Variants in ALDH5A1 observed in about 807,000 individuals in gnomAD.
The protein encoded by ALDH5A1 is succinate-semialdehyde dehydrogenase, mitochondrial.
ALDH5A1 carries 33 observed loss-of-function variants against 54.7 expected under a neutral mutation model. The observed-to-expected ratio is 0.60, with a 90% CI of 0.46 to 0.81. ALDH5A1 has a LOEUF of 0.81. ALDH5A1 is among the 30% of genes least tolerant of loss of function. The pLI is 0.00. For missense variants in ALDH5A1, 657 were observed against 711.0 expected (o/e 0.92, Z 0.86); for synonymous variants, 294 against 292.7 (o/e 1.00, Z -0.05).
rs764639744 is a variant in ALDH5A1, at chr6:24,534,584, A to G, written c.*872A>G. 1.3e-5 allele frequency: 2 copies of G among 152,246 alleles called. No individual in the cohort carries two copies. Among genetic ancestry groups the G allele is most frequent in the African/African-American group, 4.8e-5 (2 of 41,450 alleles). The allele number at this position is 152,246 out of a possible 1,614,324, so 9.4% of individuals were successfully genotyped here. A position where few individuals can be genotyped will look rare whatever the true frequency, so the allele number is the denominator to read the frequency against. On this transcript the variant is annotated 3_prime_UTR_variant, in exon 10 of 10. Transcript: ENST00000357578. ...TGGAGATTCCATACAGGCCTTACTT[A>G]GCTCCTTGCGATACTGTGAGCCAGA...
intron 4 of ALDH5A1, among the ~76,000 whole-genome samples, chr6:24,510,409 C>A (rs1284343867): frequency 6.6e-6 from 1 of 152,030 alleles, no homozygotes; most frequent in Non-Finnish European, 1.5e-5. Context: ...GTATTGAAAT[C>A]CCCCATTATT....
At chr6:24,508,817 A>G (rs1212075772) in intron 4 of ALDH5A1, among the ~76,000 whole-genome samples, 2 of 152,322 alleles carry the variant, frequency 1.3e-5, no homozygotes, top group East Asian at 3.9e-4. Context: ...CCAACCTTGC[A>G]GGAGTAAGGT....
intron 4 of ALDH5A1, among the ~76,000 whole-genome samples, chr6:24,505,933 ACTC>A (rs35751389): frequency 0.26 from 39,470 of 151,166 alleles, 5,343 homozygotes; most frequent in Non-Finnish European, 0.28. Context: ...GTGTCACTGA[ACTC>A]CAGCCTGGGC....
chr6:24,533,692 G>T lies in ALDH5A1; in HGVS notation c.1588G>T (p.Val530Leu). 1.9e-6 allele frequency: 3 copies of T among 1,614,110 alleles called. No homozygotes were observed. The highest frequency in any genetic ancestry group is 2.5e-6 in the Non-Finnish European group (3 of 1,180,032). ...TGATGAGTATCTGGAACTCAAGTAT[G>T]TGTGTTACGGGGGCTTGTAGGATTC... is the stretch of plus-strand genomic sequence containing the variant. ...GIDEYLELKYVCYGGL is the reference protein window; with the variant it reads ...GIDEYLELKYLCYGGL The change falls in exon 10 of 10, where the codon GTG becomes TTG. Residue 530 changes from valine (V) to leucine (L), a missense_variant. Val to Leu is a conservative substitution (Grantham distance 32, BLOSUM62 1). Coordinates refer to ENST00000357578, the MANE Select transcript of ALDH5A1 (RefSeq NM_001080.3).
At chr6:24,525,963 A>T (rs1257212034) in intron 7 of ALDH5A1, among the ~76,000 whole-genome samples, 1 of 151,932 alleles carries the variant, frequency 6.6e-6, no homozygotes, top group Non-Finnish European at 1.5e-5. Context: ...TTTTCTGAAG[A>T]AATATAGTAG....
At chr6:24,495,392 C>T in intron 1 of ALDH5A1, 42 bp downstream of exon 1, 1 of 1,522,980 alleles carries the variant, frequency 6.6e-7, no homozygotes, top group Non-Finnish European at 8.8e-7. Flanking sequence ...TGGCCGGGGA[C>T]ACGGCGGGGA....
In ALDH5A1 at chr6:24,531,967, G is replaced by C. The variant is rs36112176; in HGVS notation, c.1344-152G>C. Reference sequence around the variant, plus strand: ...AATCGCTGAGTTATATCGGGGAATGGTGCTGCTTTCTTCTGCAATCTGCTC... The same window carrying C: ...AATCGCTGAGTTATATCGGGGAATGCTGCTGCTTTCTTCTGCAATCTGCTC... On this transcript the variant is annotated intron_variant, in intron 8 of 9. Transcript: ENST00000357578. 38,501 of 726,388 alleles carry C rather than the reference G, an allele frequency of 0.053. 1,335 individuals carry two copies. The highest frequency in any genetic ancestry group is 0.067 in the Non-Finnish European group (26,861 of 402,228). 45.0% of individuals were successfully genotyped at this position (726,388 alleles called of 1,614,324 possible).
At chr6:24,510,686 C>T (rs1759442963) in intron 4 of ALDH5A1, among the ~76,000 whole-genome samples, 1 of 152,082 alleles carries the variant, frequency 6.6e-6, no homozygotes, top group Non-Finnish European at 1.5e-5. Context: ...CCTTAAGTTT[C>T]TGTGAGTCCT....
chr6:24,532,012 T>A (rs1759945936), intron 8 of ALDH5A1, 107 bp from the exon 9 acceptor site: 2 of 1,052,208 alleles, frequency 1.9e-6, no homozygotes, highest in Admixed American at 3.8e-5. Flanking sequence ...TTTGCAAAAC[T>A]CTGATTTACT....
chr6:24,536,897 C>A lies in ALDH5A1; in HGVS notation c.*3185C>A, dbSNP rs1323716629. On this transcript the variant is annotated 3_prime_UTR_variant, in exon 10 of 10. Transcript: ENST00000357578. ...AGCAAATCTGTTTTACTGTTAACTTCAATTATGAACTTGAAATTGTGCCAC... is the reference window on the plus strand; with the variant it reads ...AGCAAATCTGTTTTACTGTTAACTTAAATTATGAACTTGAAATTGTGCCAC... The A allele has an allele frequency of 6.6e-6, 1 of 152,628 alleles. No individual in the cohort carries two copies. The highest frequency in any genetic ancestry group is 2.1e-4 in the South Asian group (1 of 4,828). 9.5% of individuals were successfully genotyped at this position (152,628 alleles called of 1,614,324 possible).
chr6:24,520,699 T>C (rs1040160624), intron 6 of ALDH5A1, among the ~76,000 whole-genome samples, 155 bp downstream of exon 6: 2 of 152,148 alleles, frequency 1.3e-5, no homozygotes, highest in African/African-American at 4.8e-5. Flanking sequence ...TTATATCCCA[T>C]AAGGAAACTT....
At chr6:24,508,103 G>T (rs952234289) in intron 4 of ALDH5A1, among the ~76,000 whole-genome samples, 1 of 151,958 alleles carries the variant, frequency 6.6e-6, no homozygotes, top group Non-Finnish European at 1.5e-5. Context: ...GGTGGCTCAC[G>T]CCTGTAATCC....
At position 24,518,231 on chromosome 6, in the gene ALDH5A1, G is replaced by A. The variant is rs1174378705; in HGVS notation, c.871-2170G>A. On this transcript the variant is annotated intron_variant, in intron 5 of 9. Transcript: ENST00000357578. The surrounding 1 kb of genome is among the most constrained non-coding windows in gnomAD (Gnocchi z 4.2). ...ACTCAAAAAAAGAAAAAGAAAGAAAGGTAGGCTGGGCCAATCACATGCTGT... is the reference window on the plus strand; with the variant it reads ...ACTCAAAAAAAGAAAAAGAAAGAAAAGTAGGCTGGGCCAATCACATGCTGT... Among the ~76,000 whole-genome samples, 2 of 152,208 alleles carry A rather than the reference G, an allele frequency of 1.3e-5. No individual in the cohort carries two copies. The highest frequency in any genetic ancestry group is 2.4e-5 in the African/African-American group (1 of 41,458).
At chr6:24,521,857 A>ATTTTT (rs71542679) in intron 6 of ALDH5A1, among the ~76,000 whole-genome samples, 90 of 98,226 alleles carry the variant, frequency 9.2e-4, no homozygotes, top group African/African-American at 2.3e-3. Context: ...TGTCTCTACA[A>ATTTTT]TTTTTTTTTT....
Position 24,518,089 on chromosome 6 carries a change from G to A in ALDH5A1, c.871-2312G>A, listed in dbSNP as rs2127386746. 6.6e-6 allele frequency among the ~76,000 whole-genome samples: 1 copy of A among 152,312 alleles called. No homozygotes were observed. Among genetic ancestry groups the A allele is most frequent in the South Asian group, 2.1e-4 (1 of 4,830 alleles). On this transcript the variant is annotated intron_variant, in intron 5 of 9. Coordinates refer to ENST00000357578, the MANE Select transcript of ALDH5A1 (RefSeq NM_001080.3). This position sits in a 1 kb window ranked among gnomAD's most constrained non-coding sequence, Gnocchi z 4.2. ...ACAAGTAGCCTGGCATAGAAGGGTG[G>A]GCTAGGTCAGGGCCTTTTCCTCTAG...
At chr6:24,527,356 G>A (rs965084010) in intron 7 of ALDH5A1, among the ~76,000 whole-genome samples, 3 of 151,972 alleles carry the variant, frequency 2.0e-5, no homozygotes, top group Non-Finnish European at 4.4e-5. Context: ...GGTGAATCAC[G>A]AGGTCAGGAG....
In ALDH5A1 at chr6:24,532,115, G is replaced by A. The variant is rs1759948079; in HGVS notation, c.1344-4G>A. The A allele has an allele frequency of 6.2e-7, 1 of 1,613,834 alleles. No individual in the cohort carries two copies. Among genetic ancestry groups the A allele is most frequent in the African/African-American group, 1.3e-5 (1 of 74,876 alleles). ...TTTTTTATGACCTATCTTAACTTTG[G>A]CAGGTTCGATACAGAGGAGGAGGCT... On this transcript the variant is annotated splice_polypyrimidine_tract_variant and splice_region_variant and intron_variant, in intron 8 of 9. Coordinates refer to ENST00000357578, the MANE Select transcript of ALDH5A1 (RefSeq NM_001080.3).
Position 24,515,255 on chromosome 6 carries a change from G to C in ALDH5A1, c.815G>C (p.Cys272Ser). 1 of 1,613,900 alleles carries C rather than the reference G, an allele frequency of 6.2e-7. No homozygotes were observed. The highest frequency in any genetic ancestry group is 2.2e-5 in the East Asian group (1 of 44,872). ...KNAKEVGEAI[C>S]TDPLVSKISF... The stretch of plus-strand genomic sequence containing the variant: ...GCCAAGGAAGTAGGGGAGGCAATTT[G>C]TACTGATCCTCTGGTGTCCAAAATT... Residue 272 changes from cysteine (C) to serine (S), a missense_variant, in exon 5 of 10, where the codon TGT (cysteine) becomes TCT (serine). Physicochemically the swap from Cys to Ser is moderately radical, Grantham distance 112. This residue lies in a region of ALDH5A1 where 425 missense variants were observed against 516.4 expected (regional missense o/e 0.82). Coordinates refer to ENST00000357578, the MANE Select transcript of ALDH5A1 (RefSeq NM_001080.3).
chr6:24,505,053 A>G, intron 4 of ALDH5A1, 68 bp downstream of exon 4: 1 of 1,535,990 alleles, frequency 6.5e-7, no homozygotes, highest in Non-Finnish European at 9.0e-7. Context: ...TCTGGGACAG[A>G]AAGAAGCAAT....
Sources: gnomAD v4.1 joint callset for allele counts (sites outside exome capture counted in the v4.1 genomes callset) on GRCh38, gnomAD v4.1.1 for gene constraint, gnomAD v4.1.1 regional missense constraint, Gnocchi (gnomAD v3.1) non-coding constraint, MANE v1.5 for transcripts, NCBI Gene and HGNC (gene_info 2026-07-23, HGNC 2026-07-21) for gene names.